RBFOX1: variants seen among roughly 807,000 people sequenced by gnomAD.
The protein encoded by RBFOX1 is RNA binding fox-1 homolog 1, also known as RNA binding protein fox-1 homolog 1.
A neutral mutation model predicts 57.7 loss-of-function variants in RBFOX1; 8 were observed. The ratio of observed to expected loss-of-function variants is 0.14; its 90% confidence interval spans 0.08 to 0.25. The LOEUF (loss-of-function observed/expected upper bound fraction) is 0.25. Ranked by LOEUF, RBFOX1 falls within the 10% of genes least tolerant of loss-of-function variation. The probability of loss-of-function intolerance (pLI) is 1.00; values close to 1 mark genes in which losing one functional copy is unlikely to be tolerated. For missense variants in RBFOX1, 611 were observed against 548.5 expected (o/e 1.11, Z -1.14); for synonymous variants, 326 against 222.4 (o/e 1.47, Z -4.15).
At chr16:6,586,258 C>G (rs1365415247) in intron 2 of RBFOX1, among the ~76,000 whole-genome samples, 2 of 152,198 alleles carry the variant, frequency 1.3e-5, no homozygotes, top group Non-Finnish European at 2.9e-5. Flanking sequence ...CCAACAATTT[C>G]TTTGAACCAC....
At chr16:6,610,515 A>C (rs1355131243) in intron 2 of RBFOX1, among the ~76,000 whole-genome samples, 1 of 152,060 alleles carries the variant, frequency 6.6e-6, no homozygotes, top group Non-Finnish European at 1.5e-5. Context: ...CTTTTTGTAG[A>C]GATGAGGACT....
intron 4 of RBFOX1, among the ~76,000 whole-genome samples, chr16:7,108,779 A>G (rs1210592767): frequency 6.6e-6 from 1 of 152,296 alleles, no homozygotes; most frequent in African/African-American, 2.4e-5. Flanking sequence ...TCAAAGATGC[A>G]TGTATTACGA....
intron 4 of RBFOX1, among the ~76,000 whole-genome samples, chr16:6,011,533 G>A (rs187464399): frequency 1.4e-3 from 210 of 152,226 alleles, no homozygotes; most frequent in Non-Finnish European, 2.1e-3. Context: ...CTGTAAAATG[G>A]GAATAGTACT....
At chr16:7,220,657 TC>T in intron 4 of RBFOX1, among the ~76,000 whole-genome samples, 1 of 152,310 alleles carries the variant, frequency 6.6e-6, no homozygotes, top group East Asian at 1.9e-4. Flanking sequence ...TGAATTATCT[TC>T]TTTGTACATG....
At chr16:7,278,664 A>G (rs938908506) in intron 4 of RBFOX1, among the ~76,000 whole-genome samples, 2 of 152,230 alleles carry the variant, frequency 1.3e-5, no homozygotes, top group African/African-American at 4.8e-5. Flanking sequence ...CATATCAAAA[A>G]GTCTGAAGGA....
chr16:5,644,696 T>A (rs1189539787), intron 3 of RBFOX1, among the ~76,000 whole-genome samples: 1 of 152,220 alleles, frequency 6.6e-6, no homozygotes, highest in Non-Finnish European at 1.5e-5. Flanking sequence ...CTTATTCTGA[T>A]TATGAACTGA....
At chr16:6,320,415 G>A (rs1249192436) in intron 2 of RBFOX1, among the ~76,000 whole-genome samples, 1 of 151,920 alleles carries the variant, frequency 6.6e-6, no homozygotes, top group Non-Finnish European at 1.5e-5. Flanking sequence ...TGATGAGTGT[G>A]CCAAAACCTC....
intron 4 of RBFOX1, among the ~76,000 whole-genome samples, chr16:7,114,163 G>C (rs149106842): frequency 9.2e-5 from 14 of 152,294 alleles, no homozygotes; most frequent in East Asian, 5.8e-4. Context: ...TAAGAGATCA[G>C]AGTTGGTGTT....
chr16:7,209,832 A>G (rs190316040), intron 4 of RBFOX1, among the ~76,000 whole-genome samples: 130 of 152,286 alleles, frequency 8.5e-4, no homozygotes, highest in Admixed American at 7.3e-3. Context: ...GAATGAGACA[A>G]GAGTCTCTCC....
At chr16:6,001,609 A>G (rs2060601278) in intron 4 of RBFOX1, among the ~76,000 whole-genome samples, 1 of 152,222 alleles carries the variant, frequency 6.6e-6, no homozygotes, top group East Asian at 1.9e-4. Context: ...CAGAGACAAG[A>G]TTATTAACCT....
At chr16:6,105,974 C>G (rs553879128) in intron 1 of RBFOX1, among the ~76,000 whole-genome samples, 1 of 151,980 alleles carries the variant, frequency 6.6e-6, no homozygotes, top group Non-Finnish European at 1.5e-5. Context: ...CCCCCCAGCT[C>G]TTTACACTAA....
At position 6,252,958 on chromosome 16, in the gene RBFOX1, C is replaced by T. The variant is rs180836058; in HGVS notation, c.-126-64037C>T. ...ATGTGACAGGTAATATGCTAGACTA[C>T]TTAGTGATATAATGCTTTCTTCGTA... On this transcript the variant is annotated intron_variant, in intron 1 of 15. Transcript: ENST00000550418. Among the ~76,000 whole-genome samples the T allele has an allele frequency of 1.6e-3, 250 of 152,248 alleles. 3 individuals are homozygous for T. In the Middle Eastern group the frequency reaches 0.017, roughly 10 times the overall value.
intron 2 of RBFOX1, among the ~76,000 whole-genome samples, chr16:6,617,743 A>G (rs755590307): frequency 8.5e-5 from 13 of 152,178 alleles, no homozygotes; most frequent in Non-Finnish European, 1.8e-4. Flanking sequence ...ATTTTGTGCA[A>G]TTTCAGCCAG....
chr16:5,439,137 G>T (rs2068006521), intron 1 of RBFOX1, among the ~76,000 whole-genome samples: 1 of 152,012 alleles, frequency 6.6e-6, no homozygotes. Context: ...GGAGATTTGG[G>T]AAAAGCAAGC....
chr16:6,911,041 A>G (rs1239616001), intron 3 of RBFOX1, among the ~76,000 whole-genome samples: 3 of 152,022 alleles, frequency 2.0e-5, no homozygotes, highest in Non-Finnish European at 4.4e-5. Context: ...TCTCTACCAA[A>G]AATACAAAAA....
At chr16:6,900,501 C>T (rs2068197631) in intron 3 of RBFOX1, among the ~76,000 whole-genome samples, 2 of 152,198 alleles carry the variant, frequency 1.3e-5, no homozygotes, top group Non-Finnish European at 2.9e-5. Flanking sequence ...GATTGCATGG[C>T]CTTGGATGGT....
chr16:6,142,892 T>C (rs2096729745), intron 1 of RBFOX1, among the ~76,000 whole-genome samples: 1 of 152,212 alleles, frequency 6.6e-6, no homozygotes, highest in Non-Finnish European at 1.5e-5. Flanking sequence ...ATTCCCCTGA[T>C]GTTCTCTGAC....
At chr16:7,265,237 G>A (rs993678315) in intron 4 of RBFOX1, among the ~76,000 whole-genome samples, 9 of 151,850 alleles carry the variant, frequency 5.9e-5, no homozygotes, top group African/African-American at 1.7e-4. Flanking sequence ...TGCAGATCTG[G>A]ATACTGGAAG....
At chr16:7,335,208 C>A (rs567098646) in intron 4 of RBFOX1, among the ~76,000 whole-genome samples, 1 of 152,204 alleles carries the variant, frequency 6.6e-6, no homozygotes, top group Non-Finnish European at 1.5e-5. Context: ...TGCCAGCTGT[C>A]CTGCATTGCT....
Sources: gnomAD v4.1 joint callset for allele counts (sites outside exome capture counted in the v4.1 genomes callset) on GRCh38, gnomAD v4.1.1 for gene constraint, MANE v1.5 for transcripts, NCBI Gene and HGNC (gene_info 2026-07-23, HGNC 2026-07-21) for gene names.